The following MYT1L variants were observed in gnomAD, a reference collection of about 807,000 sequenced individuals.
MYT1L encodes myelin transcription factor 1-like protein.
A neutral mutation model predicts 126.7 loss-of-function variants in MYT1L; 12 were observed. The observed-to-expected ratio is 0.09, with a 90% CI of 0.06 to 0.15. The LOEUF is 0.15. MYT1L is among the 10% of genes least tolerant of loss of function. The probability of loss-of-function intolerance (pLI) is 1.00; values close to 1 mark genes in which losing one functional copy is unlikely to be tolerated. For missense variants in MYT1L, 979 were observed against 1,585.2 expected (o/e 0.62, Z 6.49); for synonymous variants, 541 against 604.2 (o/e 0.90, Z 1.53).
intron 4 of MYT1L, among the ~76,000 whole-genome samples, chr2:2,043,831 C>T (rs533492924): frequency 6.6e-6 from 1 of 152,222 alleles, no homozygotes; most frequent in South Asian, 2.1e-4. Flanking sequence ...ATTGTTCATA[C>T]CATGACTAAA....
intron 8 of MYT1L, among the ~76,000 whole-genome samples, chr2:1,955,128 CAG>C (rs1424432540): frequency 3.7e-5 from 5 of 135,544 alleles, no homozygotes; most frequent in Non-Finnish European, 7.6e-5. Context: ...GGGCAACAGA[CAG>C]AGAGTCCATC....
Position 1,792,124 on chromosome 2 carries a change from C to T in MYT1L, c.3421-117G>A, listed in dbSNP as rs950540688. ...CCTGGTTTTATACTATTTCAAAGGC[C>T]GGCTCAGAGCACACTTAAGTTTCTG... On this transcript the variant is annotated intron_variant, in intron 24 of 24. Transcript: ENST00000647738. The T allele has an allele frequency of 4.2e-5, 49 of 1,171,956 alleles. No individual in the cohort carries two copies. The Middle Eastern group carries it at 8.8e-4, about 21-fold the overall frequency. 72.6% of individuals were successfully genotyped at this position (1,171,956 alleles called of 1,614,324 possible).
chr2:2,245,684 TC>T (rs1228272686), intron 2 of MYT1L, among the ~76,000 whole-genome samples: 3 of 151,584 alleles, frequency 2.0e-5, no homozygotes, highest in Admixed American at 6.6e-5. Flanking sequence ...TACCTCCTTC[TC>T]CAGGACTCTA....
At chr2:1,817,668 G>A (rs1453365054) in intron 21 of MYT1L, among the ~76,000 whole-genome samples, 1 of 152,172 alleles carries the variant, frequency 6.6e-6, no homozygotes, top group Middle Eastern at 3.2e-3. Context: ...GGGGGTGGTG[G>A]CGGCCCTGGT....
At chr2:2,099,743 G>T (rs1429870171) in intron 3 of MYT1L, among the ~76,000 whole-genome samples, 1 of 152,228 alleles carries the variant, frequency 6.6e-6, no homozygotes, top group African/African-American at 2.4e-5. Context: ...GTGAAGACGT[G>T]AAAAGGTACT....
chr2:2,209,293 A>C (rs2093422287), intron 2 of MYT1L, among the ~76,000 whole-genome samples: 1 of 152,126 alleles, frequency 6.6e-6, no homozygotes. Context: ...TGTGCAGTTA[A>C]ATTATTATTG....
At chr2:1,844,062 G>T (rs1021311339) in intron 19 of MYT1L, among the ~76,000 whole-genome samples, 29 of 152,182 alleles carry the variant, frequency 1.9e-4, no homozygotes, top group African/African-American at 7.0e-4. Flanking sequence ...CAGGGCACCT[G>T]TGAGAAGCCT....
chr2:2,195,981 T>C (rs998580008), intron 2 of MYT1L, among the ~76,000 whole-genome samples: 2 of 151,998 alleles, frequency 1.3e-5, no homozygotes, highest in African/African-American at 4.8e-5. Context: ...AAGCAGTATT[T>C]AAAAAGATAA....
chr2:1,882,867 T>A (rs2047736917), intron 18 of MYT1L, among the ~76,000 whole-genome samples: 1 of 152,182 alleles, frequency 6.6e-6, no homozygotes. Context: ...AAGCAACATC[T>A]TGACCTACAT....
At chr2:2,290,781 G>T (rs1192385305) in intron 1 of MYT1L, among the ~76,000 whole-genome samples, 1 of 152,180 alleles carries the variant, frequency 6.6e-6, no homozygotes, top group Non-Finnish European at 1.5e-5. Flanking sequence ...TTAGTCTGGG[G>T]TGAGGCCCAG....
At chr2:1,894,038 G>A (rs1392941065) in intron 14 of MYT1L, among the ~76,000 whole-genome samples, 4 of 152,242 alleles carry the variant, frequency 2.6e-5, no homozygotes, top group African/African-American at 9.6e-5. Flanking sequence ...TCCTGTGCAT[G>A]AGCCAGAGGC....
At chr2:1,821,199 G>A (rs1558653963) in intron 21 of MYT1L, among the ~76,000 whole-genome samples, 1 of 152,082 alleles carries the variant, frequency 6.6e-6, no homozygotes, top group Non-Finnish European at 1.5e-5. Flanking sequence ...CTCTGCCATG[G>A]GGATTTTCCT....
intron 4 of MYT1L, among the ~76,000 whole-genome samples, chr2:2,034,113 T>C (rs1334103742): frequency 6.6e-6 from 1 of 152,156 alleles, no homozygotes; most frequent in Admixed American, 6.5e-5. Flanking sequence ...TAAATCCCTA[T>C]TGATTAAGAA....
intron 3 of MYT1L, among the ~76,000 whole-genome samples, chr2:2,127,253 T>C (rs760138009): frequency 5.9e-5 from 9 of 152,212 alleles, no homozygotes; most frequent in Middle Eastern, 3.4e-3. Flanking sequence ...CTCCACCCCA[T>C]ATGTGTTTTA....
chr2:2,085,347 T>A (rs1643407), intron 3 of MYT1L, among the ~76,000 whole-genome samples: 11,421 of 152,100 alleles, frequency 0.075, 1,284 homozygotes, highest in African/African-American at 0.25. Flanking sequence ...GGCACAAATA[T>A]TTCCATCTTG....
intron 3 of MYT1L, among the ~76,000 whole-genome samples, chr2:2,063,682 A>G (rs2070840532): frequency 6.6e-6 from 1 of 152,158 alleles, no homozygotes; most frequent in Non-Finnish European, 1.5e-5. Context: ...TGTCTCTACT[A>G]AAAATATAAA....
intron 3 of MYT1L, among the ~76,000 whole-genome samples, chr2:2,147,985 C>T (rs2085143347): frequency 6.6e-6 from 1 of 152,214 alleles, no homozygotes; most frequent in Non-Finnish European, 1.5e-5. Context: ...ATCTGTAGTT[C>T]TAGGAGCCAG....
intron 18 of MYT1L, among the ~76,000 whole-genome samples, chr2:1,876,074 T>C (rs76085018): frequency 0.013 from 1,991 of 152,330 alleles, 31 homozygotes; most frequent in African/African-American, 0.046. Context: ...TGCAGTGATA[T>C]TGAAAGTCTC....
At chr2:2,299,213 C>T (rs1422947785) in intron 1 of MYT1L, among the ~76,000 whole-genome samples, 1 of 152,218 alleles carries the variant, frequency 6.6e-6, no homozygotes. Flanking sequence ...TTGGGTTCCT[C>T]TCCAGGGACT....
Sources: allele counts gnomAD v4.1 joint callset (sites outside exome capture counted in the v4.1 genomes callset), GRCh38; gene constraint gnomAD v4.1.1; transcripts MANE v1.5; gene names NCBI Gene and HGNC (gene_info 2026-07-23, HGNC 2026-07-21).